The following DRD2 variants were observed in gnomAD, a reference collection of about 807,000 sequenced individuals.
DRD2 encodes dopamine receptor D2, also known as D(2) dopamine receptor.
Under a neutral mutation model 38.0 loss-of-function variants are expected in DRD2, and 8 were observed. The ratio of observed to expected loss-of-function variants is 0.21; its 90% CI spans 0.12 to 0.38. The LOEUF is 0.38. Ranked by LOEUF, DRD2 falls within the 10% of genes least tolerant of loss-of-function variation. The pLI is 1.00. For synonymous variants in DRD2, 230 were observed against 238.6 expected (o/e 0.96, Z 0.33); for missense variants, 403 against 607.7 (o/e 0.66, Z 3.54).
chr11:113,470,638 C>G (rs560188250), intron 1 of DRD2, among the ~76,000 whole-genome samples: 2 of 152,278 alleles, frequency 1.3e-5, no homozygotes, highest in South Asian at 4.1e-4. Flanking sequence ...CAAAATTGCC[C>G]AAACTACACT....
chr11:113,457,759 C>G (rs895273126), intron 1 of DRD2, among the ~76,000 whole-genome samples: 3 of 152,244 alleles, frequency 2.0e-5, no homozygotes, highest in Non-Finnish European at 4.4e-5. Context: ...ATGGGCTGTC[C>G]GAGTGGCAGC....
At chr11:113,439,234 T>C (rs1951064734) in intron 1 of DRD2, among the ~76,000 whole-genome samples, 1 of 152,198 alleles carries the variant, frequency 6.6e-6, no homozygotes, top group African/African-American at 2.4e-5. Context: ...CCTATGTGTA[T>C]CTTTAGCATC....
chr11:113,470,118 C>T lies in DRD2; in HGVS notation c.-32+4958G>A, dbSNP rs565028789. On this transcript the variant is annotated intron_variant, in intron 1 of 7. Coordinates refer to ENST00000362072, the MANE Select transcript of DRD2 (RefSeq NM_000795.4). ...CCATATCAAGAGTTCCTGGGAGTTGCTAGTGATGGTGCTGCCTGGGGTAGC... is the reference window on the plus strand; with the variant it reads ...CCATATCAAGAGTTCCTGGGAGTTGTTAGTGATGGTGCTGCCTGGGGTAGC... 1.4e-3 allele frequency among the ~76,000 whole-genome samples: 215 copies of T among 152,184 alleles called. 2 individuals are homozygous for T. In the Middle Eastern group the frequency reaches 0.017, roughly 12 times the overall value.
In DRD2 at chr11:113,410,448, A is replaced by T. The variant is rs994826418; in HGVS notation, c.*279T>A. Reference sequence around the variant, plus strand: ...CGGCTGCATCTTTGGTGCCAAGGATAGGGGGACTGGAGGTGGGAGGGGGGA... The same window carrying T: ...CGGCTGCATCTTTGGTGCCAAGGATTGGGGGACTGGAGGTGGGAGGGGGGA... On this transcript the variant is annotated 3_prime_UTR_variant, in exon 8 of 8. Transcript: ENST00000362072. The T allele has an allele frequency of 2.4e-5, 13 of 538,770 alleles. No homozygotes were observed. The African/African-American group carries it at 2.5e-4, about 10-fold the overall frequency. 33.4% of individuals were successfully genotyped at this position (538,770 alleles called of 1,614,324 possible).
At chr11:113,412,389 G>A (rs1405959597) in intron 7 of DRD2, among the ~76,000 whole-genome samples, 167 bp downstream of exon 7, 2 of 152,206 alleles carry the variant, frequency 1.3e-5, no homozygotes, top group Non-Finnish European at 2.9e-5. Context: ...TGTAAAGTGA[G>A]CACAATTACA....
rs1950833144 is a variant in DRD2, at chr11:113,416,903, G to A, written c.492C>T (p.Phe164=). ...CGAAGAGGAGTGGGCAGGAGATGGT[G>A]AAGGACAGGACCCAGACGATGGAGA... ...VMISIVWVLS[F]TISCPLLFGL... The change falls in exon 4 of 8, where the codon TTC becomes TTT. Residue 164 remains phenylalanine, a synonymous_variant. Coordinates refer to ENST00000362072, the MANE Select transcript of DRD2 (RefSeq NM_000795.4). 6.2e-7 allele frequency: 1 copy of A among 1,614,104 alleles called. No homozygotes were observed. The highest frequency in any genetic ancestry group is 8.5e-7 in the Non-Finnish European group (1 of 1,180,038).
chr11:113,439,709 G>A (rs558463444), intron 1 of DRD2, among the ~76,000 whole-genome samples: 1 of 151,192 alleles, frequency 6.6e-6, no homozygotes, highest in African/African-American at 2.4e-5. Context: ...GGTGGAGGTG[G>A]GCACCTGTAA....
In DRD2 at chr11:113,417,133, G is replaced by A. The variant is rs945260191; in HGVS notation, c.396-134C>T. 5.3e-6 allele frequency: 7 copies of A among 1,333,018 alleles called. No individual in the cohort carries two copies. The African/African-American group carries it at 8.8e-5, about 17-fold the overall frequency. The allele number at this position is 1,333,018 out of a possible 1,614,324, so 82.6% of individuals were successfully genotyped here. Reference sequence around the variant, plus strand: ...CACCTCTATGAAGCTTGCCTGAGATGCTAACTCAACCCTCCCTCCTGTCCC... The same window carrying A: ...CACCTCTATGAAGCTTGCCTGAGATACTAACTCAACCCTCCCTCCTGTCCC... On this transcript the variant is annotated intron_variant, in intron 3 of 7. Transcript: ENST00000362072.
Position 113,415,501 on chromosome 11 carries a change from C to T in DRD2, c.643G>A (p.Val215Ile). ...ACTCGCTTGCGGCGTCTGCGGAGGA[C>T]AATGTAGATCTTGATGTAGACCAGC... is the stretch of plus-strand genomic sequence containing the variant. Reference protein sequence around the residue: ...TLLVYIKIYIVLRRRRKRVNT... With the variant: ...TLLVYIKIYIILRRRRKRVNT... Residue 215 changes from valine to isoleucine, a missense_variant, in exon 5 of 8, where the codon GTC becomes ATC. Physicochemically the swap from Val to Ile is conservative, Grantham distance 29. Transcript: ENST00000362072. 6.2e-7 allele frequency: 1 copy of T among 1,614,042 alleles called. No homozygotes were observed. Among genetic ancestry groups the T allele is most frequent in the Non-Finnish European group, 8.5e-7 (1 of 1,180,036 alleles).
At position 113,424,424 on chromosome 11, in the gene DRD2, G is replaced by A. The variant is rs200084134; in HGVS notation, c.228C>T (p.Leu76=). 5.6e-6 allele frequency: 9 copies of A among 1,614,224 alleles called. No individual in the cohort carries two copies. Among genetic ancestry groups the A allele is most frequent in the Middle Eastern group, 3.3e-4 (2 of 6,062 alleles). ...TGGCGACGAGGAGGTCGGCCACTGCGAGGCTGACGATCAGGTAGTTGGTGG... is the reference window on the plus strand; with the variant it reads ...TGGCGACGAGGAGGTCGGCCACTGCAAGGCTGACGATCAGGTAGTTGGTGG... The part of the protein sequence containing the change: ...QTTTNYLIVS[L]AVADLLVATL... The change falls in exon 2 of 8, where the codon CTC becomes CTT. Residue 76 remains leucine (L), a synonymous_variant. Coordinates refer to ENST00000362072, the MANE Select transcript of DRD2 (RefSeq NM_000795.4).
intron 4 of DRD2, among the ~76,000 whole-genome samples, chr11:113,416,022 A>G (rs1016482130): frequency 2.0e-5 from 3 of 152,222 alleles, no homozygotes; most frequent in African/African-American, 7.2e-5. Flanking sequence ...TAATGTTTGC[A>G]GCAAGATAAC....
chr11:113,435,044 C>T (rs751648452), intron 1 of DRD2, among the ~76,000 whole-genome samples: 1 of 152,180 alleles, frequency 6.6e-6, no homozygotes, highest in Non-Finnish European at 1.5e-5. Context: ...CTGCTTCTTC[C>T]CAAGGTGGCC....
rs567521537 is a variant in DRD2, at chr11:113,419,420, C to T, written c.286-1284G>A. 6.0e-5 allele frequency among the ~76,000 whole-genome samples: 9 copies of T among 150,930 alleles called. No individual in the cohort carries two copies. In the South Asian group the frequency reaches 6.3e-4, roughly 11 times the overall value. ...AAGAGTCTAGCTCCTGGCAGGAGCA[C>T]GTTTCTCATACACACATGCACACAG... On this transcript the variant is annotated intron_variant, in intron 2 of 7. Transcript: ENST00000362072.
At chr11:113,452,469 TGCGCGCGCGC>T (rs150781651) in intron 1 of DRD2, among the ~76,000 whole-genome samples, 4,582 of 118,646 alleles carry the variant, frequency 0.039, 122 homozygotes, top group Middle Eastern at 0.085. Flanking sequence ...TGTGTGTGTG[TGCGCGCGCGC>T]GCGCGCGCAC....
chr11:113,469,698 G>T (rs569115197), intron 1 of DRD2, among the ~76,000 whole-genome samples: 7 of 152,130 alleles, frequency 4.6e-5, no homozygotes, highest in Non-Finnish European at 4.4e-5. Context: ...AAATTAGTTG[G>T]GCATGCTGGC....
intron 1 of DRD2, among the ~76,000 whole-genome samples, chr11:113,466,084 T>A: frequency 6.6e-6 from 1 of 152,190 alleles, no homozygotes; most frequent in African/African-American, 2.4e-5. Context: ...AGAGGTCACA[T>A]AGCTCATGAC....
At chr11:113,475,054 G>C (rs1018463772) in intron 1 of DRD2, 22 bp downstream of exon 1, 1 of 152,552 alleles carries the variant, frequency 6.6e-6, no homozygotes, top group African/African-American at 2.4e-5. Flanking sequence ...GTCGCCCGCC[G>C]CTCCATCCGG....
intron 1 of DRD2, among the ~76,000 whole-genome samples, chr11:113,431,761 C>T (rs912526926): frequency 8.5e-5 from 13 of 152,350 alleles, no homozygotes; most frequent in African/African-American, 3.1e-4. Context: ...GCACTTCCAA[C>T]CTCAGCAGCT....
chr11:113,470,973 G>T (rs536281213), intron 1 of DRD2, among the ~76,000 whole-genome samples: 2 of 152,288 alleles, frequency 1.3e-5, no homozygotes, highest in Admixed American at 1.3e-4. Flanking sequence ...CATCCCAGCT[G>T]CCAAGGGTAT....
Sources: allele counts gnomAD v4.1 joint callset (sites outside exome capture counted in the v4.1 genomes callset), GRCh38; gene constraint gnomAD v4.1.1; transcripts MANE v1.5; gene names NCBI Gene and HGNC (gene_info 2026-07-23, HGNC 2026-07-21).